The following CAMTA1 variants were observed in gnomAD, a reference collection of about 807,000 sequenced individuals.
The protein encoded by CAMTA1 is calmodulin binding transcription activator 1.
Under a neutral mutation model 170.9 loss-of-function variants are expected in CAMTA1, and 27 were observed. The observed-to-expected ratio is 0.16, with a 90% CI of 0.12 to 0.22. The LOEUF (loss-of-function observed/expected upper bound fraction) is 0.22. CAMTA1 is among the 10% of genes least tolerant of loss of function. The pLI, the probability that CAMTA1 is intolerant of heterozygous loss-of-function variation, is 1.00. For missense variants in CAMTA1, 1,619 were observed against 2,217.2 expected (o/e 0.73, Z 5.42); for synonymous variants, 833 against 891.5 (o/e 0.93, Z 1.17).
At chr1:7,013,661 T>C (rs1700137356) in intron 3 of CAMTA1, among the ~76,000 whole-genome samples, 1 of 152,162 alleles carries the variant, frequency 6.6e-6, no homozygotes. Context: ...GAGTCAGGGA[T>C]GGAGCCAGGA....
intron 5 of CAMTA1, among the ~76,000 whole-genome samples, chr1:7,313,698 T>A (rs950984450): frequency 4.6e-5 from 7 of 152,242 alleles, no homozygotes; most frequent in African/African-American, 7.2e-5. Flanking sequence ...TATTTATTTT[T>A]AAAATATGAT....
chr1:7,176,060 C>A (rs1650748960), intron 4 of CAMTA1, among the ~76,000 whole-genome samples: 1 of 152,212 alleles, frequency 6.6e-6, no homozygotes, highest in African/African-American at 2.4e-5. Flanking sequence ...AGGTATGCAC[C>A]TCACTTGGGC....
At chr1:7,107,527 C>T (rs1032211877) in intron 4 of CAMTA1, among the ~76,000 whole-genome samples, 4 of 152,004 alleles carry the variant, frequency 2.6e-5, no homozygotes, top group East Asian at 1.9e-4. Context: ...TAATTGGTGG[C>T]GTTGACATAA....
chr1:6,899,587 CA>C (rs1321850609), intron 3 of CAMTA1, among the ~76,000 whole-genome samples: 1 of 149,832 alleles, frequency 6.7e-6, no homozygotes, highest in East Asian at 1.9e-4. Flanking sequence ...CACACACACA[CA>C]CACACAGAGT....
Position 7,440,770 on chromosome 1 carries a change from G to T in CAMTA1, c.439-27060G>T, listed in dbSNP as rs77182005. On this transcript the variant is annotated intron_variant, in intron 5 of 22. Coordinates refer to ENST00000303635, the MANE Select transcript of CAMTA1 (RefSeq NM_015215.4). Reference sequence around the variant, plus strand: ...ACCTCCTCTTGCTCCCACTCTCCGTGGCTTGCGGGCCAAGCGACATCAGCT... The same window carrying T: ...ACCTCCTCTTGCTCCCACTCTCCGTTGCTTGCGGGCCAAGCGACATCAGCT... Among the ~76,000 whole-genome samples the T allele has an allele frequency of 2.8e-3, 425 of 152,292 alleles. 12 individuals carry two copies. The East Asian group carries it at 0.059, about 21-fold the overall frequency.
intron 5 of CAMTA1, among the ~76,000 whole-genome samples, chr1:7,352,718 G>T (rs1313823643): frequency 1.3e-5 from 2 of 152,222 alleles, no homozygotes; most frequent in African/African-American, 4.8e-5. Flanking sequence ...TCTGGTTGCT[G>T]GGAAGTGGGG....
chr1:6,804,754 G>A (rs560490531), intron 1 of CAMTA1, among the ~76,000 whole-genome samples: 4 of 151,888 alleles, frequency 2.6e-5, no homozygotes, highest in South Asian at 2.1e-4. Context: ...TGGGGGTCTC[G>A]CCATGTTGCC....
At position 7,665,550 on chromosome 1, in the gene CAMTA1, C is replaced by T. The variant is rs4908673; in HGVS notation, c.2652+351C>T. Among the ~76,000 whole-genome samples the T allele has an allele frequency of 0.077, 11,708 of 151,956 alleles. 993 individuals are homozygous for T. The highest frequency in any genetic ancestry group is 0.25 in the East Asian group (1,302 of 5,132). On this transcript the variant is annotated intron_variant, in intron 9 of 22. Coordinates refer to ENST00000303635, the MANE Select transcript of CAMTA1 (RefSeq NM_015215.4). This position sits in a 1 kb window ranked among gnomAD's most constrained non-coding sequence, Gnocchi z 4.3. ...GCAACGTAGTGAGAACTGGTTTCAA[C>T]AAAATATTAAAAAAATAAGCCAGGT...
In CAMTA1 at chr1:6,913,371, C is replaced by T. The variant is rs1018748985; in HGVS notation, c.234+88161C>T. Reference sequence around the variant, plus strand: ...GCTCTGCTGAGGAGCCTGCAGAAACCTCCCAGATCTGCCTGCTTTTGGGGT... The same window carrying T: ...GCTCTGCTGAGGAGCCTGCAGAAACTTCCCAGATCTGCCTGCTTTTGGGGT... On this transcript the variant is annotated intron_variant, in intron 3 of 22. Transcript: ENST00000303635. 1.1e-4 allele frequency among the ~76,000 whole-genome samples: 16 copies of T among 152,294 alleles called. 1 individual carries two copies. The highest frequency in any genetic ancestry group is 3.8e-4 in the African/African-American group (16 of 41,580).
chr1:7,691,758 G>A (rs142846995), intron 11 of CAMTA1, among the ~76,000 whole-genome samples: 1 of 152,174 alleles, frequency 6.6e-6, no homozygotes, highest in Middle Eastern at 3.2e-3. Context: ...GAGAGAGAGA[G>A]AGAAAGAGAA....
chr1:6,831,113 C>T (rs970337792), intron 3 of CAMTA1, among the ~76,000 whole-genome samples: 18 of 152,216 alleles, frequency 1.2e-4, no homozygotes, highest in East Asian at 1.2e-3. Flanking sequence ...CCATCGCGCC[C>T]GGCCCGATAG....
At chr1:7,058,808 C>G (rs1236042581) in intron 3 of CAMTA1, among the ~76,000 whole-genome samples, 2 of 152,134 alleles carry the variant, frequency 1.3e-5, no homozygotes, top group Non-Finnish European at 2.9e-5. Context: ...AAAAATATTT[C>G]TGAGAAATCA....
At chr1:7,153,669 A>G (rs1201721668) in intron 4 of CAMTA1, among the ~76,000 whole-genome samples, 1 of 152,172 alleles carries the variant, frequency 6.6e-6, no homozygotes, top group Non-Finnish European at 1.5e-5. Flanking sequence ...TTCTCACAGC[A>G]GACAGCCAGT....
chr1:7,449,288 G>C (rs2092754977), intron 5 of CAMTA1, among the ~76,000 whole-genome samples: 1 of 152,162 alleles, frequency 6.6e-6, no homozygotes, highest in Non-Finnish European at 1.5e-5. Context: ...GGTGTGCGTG[G>C]GCCAAGCAAC....
At chr1:7,430,611 T>C (rs1368445786) in intron 5 of CAMTA1, among the ~76,000 whole-genome samples, 1 of 152,170 alleles carries the variant, frequency 6.6e-6, no homozygotes, top group Non-Finnish European at 1.5e-5. Flanking sequence ...GATATGTTTC[T>C]ACCATTTTGA....
At chr1:6,785,988 G>A (rs940288651) in intron 1 of CAMTA1, among the ~76,000 whole-genome samples, 4 of 151,178 alleles carry the variant, frequency 2.6e-5, no homozygotes, top group African/African-American at 9.7e-5. Context: ...GCCGCGGGGC[G>A]GAAAGTTTAT....
At chr1:7,327,715 T>A (rs1036740394) in intron 5 of CAMTA1, among the ~76,000 whole-genome samples, 30 of 152,164 alleles carry the variant, frequency 2.0e-4, no homozygotes, top group African/African-American at 6.8e-4. Flanking sequence ...ACTGTTTATG[T>A]TTTCTCTCCA....
intron 3 of CAMTA1, among the ~76,000 whole-genome samples, chr1:6,866,555 T>C (rs540876417): frequency 4.8e-4 from 73 of 152,322 alleles, no homozygotes; most frequent in African/African-American, 1.4e-3. Flanking sequence ...TGATCATTTT[T>C]CCCTAGTGGG....
chr1:7,304,119 T>C (rs760423456), intron 5 of CAMTA1, among the ~76,000 whole-genome samples: 22 of 152,064 alleles, frequency 1.4e-4, no homozygotes, highest in Non-Finnish European at 2.4e-4. Context: ...TTTGGGATGA[T>C]GAAAAGTTTA....
Sources: allele counts gnomAD v4.1 joint callset (sites outside exome capture counted in the v4.1 genomes callset), GRCh38; gene constraint gnomAD v4.1.1; non-coding constraint Gnocchi (gnomAD v3.1); transcripts MANE v1.5; gene names NCBI Gene and HGNC (gene_info 2026-07-23, HGNC 2026-07-21).